Variants in HDAC9 observed in about 807,000 individuals in gnomAD.
HDAC9 encodes the protein MEF-2 interacting transcription repressor (MITR) protein.
In HDAC9, 41 loss-of-function variants were observed where a neutral mutation model predicts 139.4. The observed-to-expected ratio is 0.29, with a 90% CI of 0.23 to 0.38. HDAC9 has a LOEUF of 0.38. Among genes scored for constraint, HDAC9 ranks in the 10% least tolerant of loss-of-function variants. HDAC9 has a pLI of 1.00. For missense variants in HDAC9, 1,147 were observed against 1,297.0 expected (o/e 0.88, Z 1.78); for synonymous variants, 517 against 476.2 (o/e 1.09, Z -1.12).
intron 6 of HDAC9, among the ~76,000 whole-genome samples, 158 bp downstream of exon 6, chr7:18,594,187 C>G (rs1173831855): frequency 6.6e-6 from 1 of 152,072 alleles, no homozygotes; most frequent in Non-Finnish European, 1.5e-5. Context: ...CACACATACC[C>G]TACTTATTTC....
upstream of HDAC9, among the ~76,000 whole-genome samples, chr7:18,287,430 T>A (rs892872395): frequency 6.6e-6 from 1 of 152,256 alleles, no homozygotes; most frequent in South Asian, 2.1e-4. Context: ...AATGTTGTTA[T>A]ATGTTTTTGA....
chr7:18,635,227 A>G (rs1783530637), intron 8 of HDAC9, among the ~76,000 whole-genome samples: 1 of 151,868 alleles, frequency 6.6e-6, no homozygotes. Flanking sequence ...CAGGCCTCTC[A>G]GAGGAAGAAC....
intron 24 of HDAC9, among the ~76,000 whole-genome samples, chr7:18,961,668 G>A (rs1481970917): frequency 6.6e-6 from 1 of 152,154 alleles, no homozygotes; most frequent in Non-Finnish European, 1.5e-5. Context: ...ATAATTGAGT[G>A]CTTACAGTGT....
chr7:18,658,307 G>C (rs539097332), intron 11 of HDAC9, among the ~76,000 whole-genome samples: 10 of 152,236 alleles, frequency 6.6e-5, no homozygotes, highest in Admixed American at 4.6e-4. Flanking sequence ...ATGAAAAAAT[G>C]GGTGGGCAAT....
At chr7:18,704,152 A>T (rs1486725541) in intron 12 of HDAC9, among the ~76,000 whole-genome samples, 1 of 152,206 alleles carries the variant, frequency 6.6e-6, no homozygotes, top group African/African-American at 2.4e-5. Context: ...ACCCAGTGGC[A>T]CCCAGGCACT....
chr7:18,747,357 G>A (rs554077606), intron 13 of HDAC9, among the ~76,000 whole-genome samples: 8 of 152,178 alleles, frequency 5.3e-5, no homozygotes, highest in African/African-American at 1.9e-4. Context: ...CTTGGATTGT[G>A]TATGGTTTTG....
intron 2 of HDAC9, among the ~76,000 whole-genome samples, chr7:18,508,399 T>A (rs1800443096): frequency 6.6e-6 from 1 of 152,198 alleles, no homozygotes; most frequent in South Asian, 2.1e-4. Context: ...TATTGTTACC[T>A]CTGCTTTGTG....
intron 1 of HDAC9, among the ~76,000 whole-genome samples, chr7:18,362,014 A>G (rs1425574374): frequency 6.6e-6 from 1 of 152,194 alleles, no homozygotes; most frequent in Non-Finnish European, 1.5e-5. Context: ...TCTTAGGCTA[A>G]CTTACTGCTT....
chr7:18,772,177 T>G (rs1790351434), intron 16 of HDAC9, among the ~76,000 whole-genome samples: 1 of 152,016 alleles, frequency 6.6e-6, no homozygotes, highest in African/African-American at 2.4e-5. Flanking sequence ...CAAGAAGAAT[T>G]AGCAATAAAT....
chr7:18,982,374 T>A (rs1245449487), intron 25 of HDAC9, among the ~76,000 whole-genome samples: 3 of 152,128 alleles, frequency 2.0e-5, no homozygotes, highest in African/African-American at 7.2e-5. Context: ...AAGATCATCA[T>A]CTTCAATAGG....
chr7:18,870,045 A>G (rs1798797783), intron 21 of HDAC9, among the ~76,000 whole-genome samples: 1 of 152,154 alleles, frequency 6.6e-6, no homozygotes, highest in Non-Finnish European at 1.5e-5. Context: ...ATAATATTGA[A>G]ATTACAGAAA....
chr7:18,784,840 A>G (rs1405652312), intron 16 of HDAC9, among the ~76,000 whole-genome samples: 1 of 152,080 alleles, frequency 6.6e-6, no homozygotes, highest in Non-Finnish European at 1.5e-5. Context: ...CAAAGGCAGC[A>G]GACTTTCCAT....
At chr7:18,569,435 T>A (rs1823527128) in intron 2 of HDAC9, among the ~76,000 whole-genome samples, 1 of 152,210 alleles carries the variant, frequency 6.6e-6, no homozygotes, top group Admixed American at 6.5e-5. Context: ...CTGTTCTGCA[T>A]AGTTACCTTC....
intron 1 of HDAC9, among the ~76,000 whole-genome samples, chr7:18,396,127 CCCTTG>C (rs1422758090): frequency 0.025 from 3,034 of 120,688 alleles, 180 homozygotes; most frequent in African/African-American, 0.046. Flanking sequence ...CCCTTCCCTT[CCCTTG>C]CCTTCCCTTC....
intron 2 of HDAC9, among the ~76,000 whole-genome samples, chr7:18,236,780 T>G (rs947594088): frequency 5.3e-5 from 8 of 152,168 alleles, no homozygotes; most frequent in African/African-American, 1.9e-4. Context: ...TGAAATGGCA[T>G]GCTGTGGCAA....
At chr7:18,437,126 T>A (rs1791276045) in intron 1 of HDAC9, among the ~76,000 whole-genome samples, 1 of 152,182 alleles carries the variant, frequency 6.6e-6, no homozygotes, top group Non-Finnish European at 1.5e-5. Flanking sequence ...CAATTTAACT[T>A]CATTTGAAGC....
chr7:18,515,725 T>C lies in HDAC9; in HGVS notation c.22+19401T>C, dbSNP rs561220762. Among the ~76,000 whole-genome samples, 6 of 152,336 alleles carry C rather than the reference T, an allele frequency of 3.9e-5. No individual in the cohort carries two copies. The South Asian group carries it at 1.2e-3, about 32-fold the overall frequency. On this transcript the variant is annotated intron_variant, in intron 2 of 25. Coordinates refer to ENST00000686413, the MANE Select transcript of HDAC9 (RefSeq NM_178425.4). ...CCCTGAGTTAATTAAAACATGGAGT[T>C]TCAACATAAGCAAACCTAAGGCTTA...
Position 18,403,294 on chromosome 7 carries a change from C to T in HDAC9, c.-41-92968C>T, listed in dbSNP as rs77187007. ...TAATAATGGAATTCAGTGACTCTTA[C>T]GGTAAAGTCATCATTACTATAGAAT... On this transcript the variant is annotated intron_variant, in intron 1 of 3. Coordinates refer to the HDAC9 transcript ENST00000413509. Among the ~76,000 whole-genome samples the T allele has an allele frequency of 6.3e-3, 959 of 152,112 alleles. 8 individuals carry two copies. Among genetic ancestry groups the T allele is most frequent in the African/African-American group, 0.021 (890 of 41,474 alleles).
chr7:18,474,175 A>G (rs918548799), intron 1 of HDAC9, among the ~76,000 whole-genome samples: 12 of 152,238 alleles, frequency 7.9e-5, no homozygotes, highest in Admixed American at 7.2e-4. Flanking sequence ...TATGGAAGCT[A>G]AATTAAATTA....
Sources: allele counts gnomAD v4.1 joint callset (sites outside exome capture counted in the v4.1 genomes callset), GRCh38; gene constraint gnomAD v4.1.1; transcripts MANE v1.5; gene names NCBI Gene and HGNC (gene_info 2026-07-23, HGNC 2026-07-21).